The following ENTPD4 variants were observed in gnomAD, a reference collection of about 807,000 sequenced individuals.
ENTPD4 encodes the protein ectonucleoside triphosphate diphosphohydrolase 4.
In ENTPD4, 60 loss-of-function variants were observed where a neutral mutation model predicts 79.1. That is an observed-to-expected ratio of 0.76 (90% CI 0.62 to 0.94). The LOEUF is 0.94. Ranked by LOEUF, ENTPD4 falls within the 40% of genes least tolerant of loss-of-function variation. The pLI, the probability that ENTPD4 is intolerant of heterozygous loss-of-function variation, is 0.00. For synonymous variants in ENTPD4, 276 were observed against 292.0 expected, an observed-to-expected ratio of 0.95 and a Z score of 0.56; for missense variants, 772 against 775.1, an observed-to-expected ratio of 1.00 and a Z score of 0.05.
In ENTPD4 at chr8:23,448,875, G is replaced by A. The variant is rs773844795; in HGVS notation, c.73C>T (p.Arg25Ter). ...TGGCGTAAATTGGTATTCAGAATTC[G>A]AGGACACCCTACTGGAGATATGCTA... ...HFSISPVGCP[R>*]ILNTNLRQIM... Residue 25 changes from arginine (R) to a stop codon, truncating the protein, a stop_gained, in exon 3 of 13, where the codon CGA (arginine) becomes TGA (stop). Coordinates refer to ENST00000358689, the MANE Select transcript of ENTPD4 (RefSeq NM_004901.5). LOFTEE classifies it high-confidence loss of function. 1.3e-5 allele frequency: 21 copies of A among 1,613,908 alleles called. 1 individual carries two copies. The highest frequency in any genetic ancestry group is 1.1e-4 in the South Asian group (10 of 91,076).
chr8:23,440,041 C>G (rs17089263), intron 8 of ENTPD4, 126 bp from the exon 9 acceptor site: 61,598 of 698,278 alleles, frequency 0.088, 4,042 homozygotes, highest in East Asian at 0.28. Context: ...TCCCAAGGAC[C>G]CTTCTAAGCA....
intron 11 of ENTPD4, 53 bp from the exon 12 acceptor site, chr8:23,434,531 GCACACACA>G: frequency 1.4e-6 from 2 of 1,476,430 alleles, no homozygotes; most frequent in Non-Finnish European, 1.9e-6. Context: ...TGTCAAGATG[GCACACACA>G]CACACACACA....
In ENTPD4 at chr8:23,439,847, C is replaced by T. The variant is rs201054910; in HGVS notation, c.951G>A (p.Val317=). Residue 317 remains valine, a synonymous_variant, in exon 9 of 13, where the codon GTG becomes GTA. Transcript: ENST00000358689. ...LGCDVHQTEH[V]YRVYVATFLG... ...GAAACGTGGCCACATAGACTCGATA[C>T]ACATGCTCAGTTTGGTGAACATCAC... 4 of 1,614,146 alleles carry T rather than the reference C, an allele frequency of 2.5e-6. No homozygotes were observed. The highest frequency in any genetic ancestry group is 1.7e-5 in the Admixed American group (1 of 60,026).
chr8:23,453,646 G>A (rs539520294), intron 1 of ENTPD4, among the ~76,000 whole-genome samples: 1 of 152,330 alleles, frequency 6.6e-6, no homozygotes, highest in Non-Finnish European at 1.5e-5. Context: ...TTGGCTAACA[G>A]GGGAAGGGGA....
At position 23,430,016 on chromosome 8, in the gene ENTPD4, T is replaced by TA; in HGVS notation, c.*2909dup. On this transcript the variant is annotated 3_prime_UTR_variant, in exon 13 of 13. Coordinates refer to ENST00000358689, the MANE Select transcript of ENTPD4 (RefSeq NM_004901.5). ...GATTGAACACAATGCTTTTCTTTGA[T>TA]AAAGCTTTGGGCAAGTTCCTAGTCC... 4.1e-6 allele frequency: 4 copies of TA among 985,478 alleles called. No individual in the cohort carries two copies. The highest frequency in any genetic ancestry group is 4.8e-6 in the Non-Finnish European group (4 of 829,938). 61.0% of individuals were successfully genotyped at this position (985,478 alleles called of 1,614,324 possible).
At position 23,432,601 on chromosome 8, in the gene ENTPD4, C is replaced by T; in HGVS notation, c.*325G>A. ...GCAAGCTCTGCCTCCCAGGTTCATG[C>T]CATTCTCCTGCCTCAGCCTCCTGAG... On this transcript the variant is annotated 3_prime_UTR_variant, in exon 13 of 13. Coordinates refer to ENST00000358689, the MANE Select transcript of ENTPD4 (RefSeq NM_004901.5). 1 of 669,114 alleles carries T rather than the reference C, an allele frequency of 1.5e-6. No homozygotes were observed. The highest frequency in any genetic ancestry group is 1.9e-6 in the Non-Finnish European group (1 of 521,792). 41.4% of individuals were successfully genotyped at this position (669,114 alleles called of 1,614,324 possible).
intron 4 of ENTPD4, among the ~76,000 whole-genome samples, chr8:23,445,337 C>T (rs1800747204): frequency 6.6e-6 from 1 of 152,166 alleles, no homozygotes; most frequent in African/African-American, 2.4e-5. Context: ...CATTCCCTAC[C>T]CAAAGGATGC....
intron 4 of ENTPD4, among the ~76,000 whole-genome samples, chr8:23,445,640 G>A (rs1659806995): frequency 6.6e-6 from 1 of 152,036 alleles, no homozygotes; most frequent in South Asian, 2.1e-4. Flanking sequence ...ACAGAACCCT[G>A]AAGACAACTC....
At chr8:23,434,145 A>C (rs1800511749) in intron 12 of ENTPD4, 172 bp downstream of exon 12, 2 of 733,618 alleles carry the variant, frequency 2.7e-6, no homozygotes, top group Admixed American at 2.6e-5. Flanking sequence ...GAAGGGAGGA[A>C]GCACTTGTGG....
chr8:23,431,713 T>C lies in ENTPD4; in HGVS notation c.*1213A>G. The stretch of plus-strand genomic sequence containing the variant: ...TAAGGGGGGTGGGGGAAACACCAAT[T>C]GGAAGCTGGAAGAAACTGAGGCACG... On this transcript the variant is annotated 3_prime_UTR_variant, in exon 13 of 13. Coordinates refer to ENST00000358689, the MANE Select transcript of ENTPD4 (RefSeq NM_004901.5). 3.0e-6 allele frequency: 3 copies of C among 985,452 alleles called. No homozygotes were observed. Among genetic ancestry groups the C allele is most frequent in the Non-Finnish European group, 3.6e-6 (3 of 830,028 alleles). 61.0% of individuals were successfully genotyped at this position (985,452 alleles called of 1,614,324 possible). A position where few individuals can be genotyped will look rare whatever the true frequency, so the allele number is the denominator to read the frequency against.
At position 23,429,740 on chromosome 8, in the gene ENTPD4, C is replaced by G. The variant is rs1044877961; in HGVS notation, c.*3186G>C. ...GCCTTCAGGGTGGCTGGGCAGGGGCCCCATGTTACTGGCCTCAGCCACCAG... is the reference window on the plus strand; with the variant it reads ...GCCTTCAGGGTGGCTGGGCAGGGGCGCCATGTTACTGGCCTCAGCCACCAG... On this transcript the variant is annotated 3_prime_UTR_variant, in exon 13 of 13. Transcript: ENST00000358689. The G allele has an allele frequency of 1.7e-5, 17 of 985,280 alleles. No individual in the cohort carries two copies. The African/African-American group carries it at 2.8e-4, about 16-fold the overall frequency. The allele number at this position is 985,280 out of a possible 1,614,324, so 61.0% of individuals were successfully genotyped here. A position where few individuals can be genotyped will look rare whatever the true frequency, so the allele number is the denominator to read the frequency against.
rs137976331 is a variant in ENTPD4, at chr8:23,434,417, C to A, written c.1522G>T (p.Val508Phe). The A allele has an allele frequency of 1.2e-6, 2 of 1,614,178 alleles. No homozygotes were observed. Among genetic ancestry groups the A allele is most frequent in the Non-Finnish European group, 1.7e-6 (2 of 1,180,032 alleles). ...EVFHRGFSFP[V>F]NYKSLKTALQ... is the part of the protein sequence containing the mutation. ...GCAGTCTTTAAGCTTTTATAGTTGACAGGAAACGAAAAGCCCCTATGAAAC... is the reference window on the plus strand; with the variant it reads ...GCAGTCTTTAAGCTTTTATAGTTGAAAGGAAACGAAAAGCCCCTATGAAAC... Residue 508 changes from valine to phenylalanine, a missense_variant, in exon 12 of 13, where the codon GTC becomes TTC. Physicochemically the swap from Val to Phe is conservative, Grantham distance 50. Coordinates refer to ENST00000358689, the MANE Select transcript of ENTPD4 (RefSeq NM_004901.5).
rs1182777201 is a variant in ENTPD4, at chr8:23,437,230, G to A, written c.1078C>T (p.Pro360Ser). 1 of 1,611,596 alleles carries A rather than the reference G, an allele frequency of 6.2e-7. No homozygotes were observed. The highest frequency in any genetic ancestry group is 1.1e-5 in the South Asian group (1 of 90,826). ...CAGGGGTCCAAGTACGGCATATCAG[G>A]AGTCAGACCAGTCTGTTTACCCAGG... ...RLLGKQTGLT[P>S]DMPYLDPCLP... Residue 360 changes from proline (P) to serine (S), a missense_variant, in exon 10 of 13, where the codon CCT becomes TCT. Physicochemically the swap from Pro to Ser is moderately conservative, Grantham distance 74. Coordinates refer to ENST00000358689, the MANE Select transcript of ENTPD4 (RefSeq NM_004901.5).
At chr8:23,453,746 A>G (rs1415475916) in intron 1 of ENTPD4, among the ~76,000 whole-genome samples, 1 of 152,198 alleles carries the variant, frequency 6.6e-6, no homozygotes, top group Non-Finnish European at 1.5e-5. Flanking sequence ...ACACTTATGC[A>G]TGCCTATCCT....
rs567592877 is a variant in ENTPD4 at position 23,431,120 on chromosome 8, C to T, written c.*1806G>A. The T allele has an allele frequency of 2.3e-6, 1 of 425,698 alleles. No homozygotes were observed. The highest frequency in any genetic ancestry group is 2.2e-5 in the African/African-American group (1 of 46,262). The allele number at this position is 425,698 out of a possible 1,614,324, so 26.4% of individuals were successfully genotyped here. On this transcript the variant is annotated 3_prime_UTR_variant, in exon 13 of 13. Coordinates refer to ENST00000358689, the MANE Select transcript of ENTPD4 (RefSeq NM_004901.5). ...GCTGCACCTGAGGCAGTTTGAGCCA[C>T]AACTGGGACAGAATTCCCTTGGTCT... is the stretch of plus-strand genomic sequence containing the variant.
intron 1 of ENTPD4, among the ~76,000 whole-genome samples, chr8:23,455,477 G>A (rs1358585467): frequency 6.6e-6 from 1 of 150,506 alleles, no homozygotes; most frequent in Non-Finnish European, 1.5e-5. Flanking sequence ...CCGTTACTCA[G>A]TAGTGACAAA....
rs761165634 is a variant in ENTPD4 at position 23,433,083 on chromosome 8, T to C, written c.1694A>G (p.Tyr565Cys). 16 of 1,613,808 alleles carry C rather than the reference T, an allele frequency of 9.9e-6. No individual in the cohort carries two copies. Among genetic ancestry groups the C allele is most frequent in the Middle Eastern group, 1.6e-4 (1 of 6,084 alleles). ...WRGVSFVYNH[Y>C]LFSGCFLVVL... ...CACCAGGAAGCAGCCAGAGAACAGGTAGTGGTTGTAGACAAAGGAAACGCC... is the reference window on the plus strand; with the variant it reads ...CACCAGGAAGCAGCCAGAGAACAGGCAGTGGTTGTAGACAAAGGAAACGCC... Residue 565 changes from tyrosine (Y) to cysteine (C), a missense_variant, in exon 13 of 13, where the codon TAC becomes TGC. Coordinates refer to ENST00000358689, the MANE Select transcript of ENTPD4 (RefSeq NM_004901.5).
Position 23,441,607 on chromosome 8 carries a change from C to T in ENTPD4, c.844G>A (p.Glu282Lys), listed in dbSNP as rs759956146. ...GCAAAGCTTACAGTTTTGGGGACTT[C>T]GTACGCTATCTGAGTCGACACGCCG... ...MGGVSTQIAY[E>K]VPKTVSFASS... The change falls in exon 8 of 13, where the codon GAA becomes AAA. Residue 282 changes from glutamate (E) to lysine (K), a missense_variant. By Grantham distance (56) the Glu-to-Lys change is moderately conservative (BLOSUM62 1). Transcript: ENST00000358689. 18 of 1,614,120 alleles carry T rather than the reference C, an allele frequency of 1.1e-5. No individual in the cohort carries two copies. The highest frequency in any genetic ancestry group is 4.5e-5 in the East Asian group (2 of 44,898).
At chr8:23,435,251 C>T (rs375277835) in intron 11 of ENTPD4, 141 bp downstream of exon 11, 15 of 620,316 alleles carry the variant, frequency 2.4e-5, no homozygotes, top group East Asian at 1.1e-4. Context: ...GTATTTGTCC[C>T]GTTTGAAAGG....
Sources: allele counts gnomAD v4.1 joint callset (sites outside exome capture counted in the v4.1 genomes callset), GRCh38; gene constraint gnomAD v4.1.1; transcripts MANE v1.5; gene names NCBI Gene and HGNC (gene_info 2026-07-23, HGNC 2026-07-21).